The following CNOT4 variants were observed in gnomAD, a reference collection of about 807,000 sequenced individuals.
CNOT4 encodes CCR4-NOT transcription complex subunit 4.
In CNOT4, 8 loss-of-function variants were observed where a neutral mutation model predicts 73.8. That is an observed-to-expected ratio of 0.11 (90% confidence interval 0.06 to 0.20). The LOEUF (loss-of-function observed/expected upper bound fraction) is 0.20, where lower values mean the gene tolerates loss of function less well. Among genes scored for constraint, CNOT4 ranks in the 10% least tolerant of loss-of-function variants. The pLI is 1.00. For synonymous variants in CNOT4, 293 were observed against 321.1 expected, an observed-to-expected ratio of 0.91 and a Z score of 0.94; for missense variants, 564 against 883.4, an observed-to-expected ratio of 0.64 and a Z score of 4.58.
At chr7:135,388,010 T>A (rs75012056) in intron 10 of CNOT4, 1 of 984,944 alleles carries the variant, frequency 1.0e-6, no homozygotes, top group Non-Finnish European at 1.2e-6. Context: ...ACTACTATGG[T>A]TGCTTTTCAC....
intron 7 of CNOT4, among the ~76,000 whole-genome samples, chr7:135,406,108 T>A (rs1424207004): frequency 6.6e-6 from 1 of 152,084 alleles, no homozygotes; most frequent in Non-Finnish European, 1.5e-5. Flanking sequence ...AGAAATCTTA[T>A]CTACAAATTC....
chr7:135,427,007 G>A (rs1798544878), intron 2 of CNOT4, among the ~76,000 whole-genome samples: 2 of 151,490 alleles, frequency 1.3e-5, no homozygotes, highest in South Asian at 4.2e-4. Flanking sequence ...AGCATCAAAT[G>A]AAAAGTTACA....
chr7:135,477,343 C>CAAA (rs397780678), intron 1 of CNOT4, among the ~76,000 whole-genome samples: 3 of 137,680 alleles, frequency 2.2e-5, no homozygotes. Context: ...ACTCTTGTCT[C>CAAA]AAAAAAAAAA....
intron 1 of CNOT4, among the ~76,000 whole-genome samples, chr7:135,477,431 T>A (rs1345827716): frequency 6.6e-6 from 1 of 152,212 alleles, no homozygotes; most frequent in Non-Finnish European, 1.5e-5. Flanking sequence ...TTTGTTTCCA[T>A]CTTTTAAAGT....
At chr7:135,373,093 A>G (rs900398682) in intron 10 of CNOT4, among the ~76,000 whole-genome samples, 2 of 152,178 alleles carry the variant, frequency 1.3e-5, no homozygotes, top group Admixed American at 1.3e-4. Flanking sequence ...AAGAAAGCTT[A>G]GAAAAGATGG....
intron 9 of CNOT4, 37 bp from the exon 10 acceptor site, chr7:135,394,452 A>C: frequency 6.6e-7 from 1 of 1,508,556 alleles, no homozygotes; most frequent in Non-Finnish European, 9.0e-7. Flanking sequence ...TATCAGATAC[A>C]TAGCTCATTT....
intron 7 of CNOT4, among the ~76,000 whole-genome samples, chr7:135,402,573 T>C (rs1413945757): frequency 6.6e-6 from 1 of 152,164 alleles, no homozygotes; most frequent in Non-Finnish European, 1.5e-5. Context: ...TAGTCTAAAT[T>C]GAGGCATCTG....
chr7:135,470,987 A>G lies in CNOT4; in HGVS notation c.-92-32564T>C, dbSNP rs182296541. Among the ~76,000 whole-genome samples, 10 of 152,322 alleles carry G rather than the reference A, an allele frequency of 6.6e-5. No individual in the cohort carries two copies. In the East Asian group the frequency reaches 1.9e-3, roughly 29 times the overall value. ...ATTGTATATAATTGACCTCAAACTTAAAACAGATTTTTAAGCCATGAACAA... is the reference window on the plus strand; with the variant it reads ...ATTGTATATAATTGACCTCAAACTTGAAACAGATTTTTAAGCCATGAACAA... On this transcript the variant is annotated intron_variant, in intron 1 of 11. Transcript: ENST00000541284.
chr7:135,413,636 G>A (rs1797694523), intron 5 of CNOT4, 23 bp from the exon 6 acceptor site: 3 of 1,601,930 alleles, frequency 1.9e-6, no homozygotes, highest in Admixed American at 3.4e-5. Context: ...GAGGGGTAAA[G>A]GAAAAGAAGA....
chr7:135,363,976 C>T lies in CNOT4; in HGVS notation c.1718G>A (p.Gly573Glu). The T allele has an allele frequency of 6.3e-7, 1 of 1,598,274 alleles. No individual in the cohort carries two copies. The highest frequency in any genetic ancestry group is 1.3e-5 in the African/African-American group (1 of 74,914). The change falls in exon 11 of 12, where the codon GGA becomes GAA. Residue 573 changes from glycine to glutamate, a missense_variant. Around this residue, in one of 10 missense-constraint regions of CNOT4, gnomAD observed 53 missense variants for 75.4 expected, o/e 0.70. Transcript: ENST00000541284. The surrounding 1 kb of genome is among the most constrained non-coding windows in gnomAD (Gnocchi z 4.3). ...LLPNININFG[G>E]LPNSSSPSNA... ...GGAGGGGGAAGAAGAATTGGGCAGT[C>T]CACCAAAGTTGATGTTAATGTTGGG... is the stretch of plus-strand genomic sequence containing the variant.
At chr7:135,397,820 G>A (rs991972098) in intron 8 of CNOT4, among the ~76,000 whole-genome samples, 29 of 152,116 alleles carry the variant, frequency 1.9e-4, no homozygotes, top group Admixed American at 1.9e-3. Context: ...TAGAGAGCAA[G>A]GGGCAAGGGG....
rs1197741517 is a variant in CNOT4 at position 135,394,020 on chromosome 7, T to G, written c.1525A>C (p.Met509Leu). 6.2e-7 allele frequency: 1 copy of G among 1,613,926 alleles called. No individual in the cohort carries two copies. Among genetic ancestry groups the G allele is most frequent in the Non-Finnish European group, 8.5e-7 (1 of 1,179,924 alleles). Reference protein sequence around the residue: ...PWMAFPRNSIMHLNHTANPTS... With the variant: ...PWMAFPRNSILHLNHTANPTS... ...GGGTTTGCTGTGTGGTTCAAGTGCA[T>G]GATGCTATTGCGTGGAAAGGCCATC... Residue 509 changes from methionine to leucine, a missense_variant, in exon 10 of 12, where the codon ATG becomes CTG. Physicochemically the swap from Met to Leu is conservative, Grantham distance 15. This residue lies in a region of CNOT4 where 153 missense variants were observed against 158.7 expected (regional missense o/e 0.96). Coordinates refer to ENST00000541284, the MANE Select transcript of CNOT4 (RefSeq NM_001190850.2).
intron 10 of CNOT4, among the ~76,000 whole-genome samples, chr7:135,367,739 G>C (rs1391564995): frequency 6.6e-6 from 1 of 152,100 alleles, no homozygotes; most frequent in Non-Finnish European, 1.5e-5. Context: ...CTAATAATGA[G>C]TCTTCTTATC....
In CNOT4 at chr7:135,363,745, C is replaced by T. The variant is rs2840185; in HGVS notation, c.1840+109G>A. On this transcript the variant is annotated intron_variant, in intron 11 of 11. Transcript: ENST00000541284. The surrounding 1 kb of genome is among the most constrained non-coding windows in gnomAD (Gnocchi z 4.3). ...AACGAAACAAGCCACTCCACACTTG[C>T]GGCTTTGTGAAAAGCAGCTTATGTT... The T allele has an allele frequency of 0.94, 817,183 of 869,560 alleles. 385,763 individuals are homozygous for T. The highest frequency in any genetic ancestry group is 1 in the East Asian group (39,715 of 39,740). 53.9% of individuals were successfully genotyped at this position (869,560 alleles called of 1,614,324 possible).
At chr7:135,446,722 G>GACAC (rs138071477) in intron 1 of CNOT4, among the ~76,000 whole-genome samples, 1 of 149,298 alleles carries the variant, frequency 6.7e-6, no homozygotes, top group African/African-American at 2.5e-5. Context: ...TACACACACA[G>GACAC]ACACACACAC....
chr7:135,423,265 G>A (rs1798290832), intron 2 of CNOT4, among the ~76,000 whole-genome samples: 1 of 151,386 alleles, frequency 6.6e-6, no homozygotes, highest in Non-Finnish European at 1.5e-5. Flanking sequence ...TTTTAAACTG[G>A]ATAGGAAGAG....
chr7:135,465,440 T>C (rs1801156231), intron 1 of CNOT4, among the ~76,000 whole-genome samples: 1 of 152,244 alleles, frequency 6.6e-6, no homozygotes, highest in South Asian at 2.1e-4. Flanking sequence ...AGATCTCCAA[T>C]GGATGCCTGA....
chr7:135,428,023 C>T (rs1006601806), intron 2 of CNOT4, among the ~76,000 whole-genome samples: 2 of 152,040 alleles, frequency 1.3e-5, no homozygotes, highest in African/African-American at 2.4e-5. Flanking sequence ...AAATTACAAA[C>T]CAGAGGATAG....
rs561986708 is a variant in CNOT4 at position 135,423,024 on chromosome 7, C to T, written c.175-671G>A. On this transcript the variant is annotated intron_variant, in intron 2 of 11. Transcript: ENST00000541284. ...ACTTTGGTAAAGTCATATGACCTTT[C>T]TACCTCAGTCGTCTCATCTGTAAAA... is the stretch of plus-strand genomic sequence containing the variant. Among the ~76,000 whole-genome samples the T allele has an allele frequency of 2.2e-4, 33 of 152,294 alleles. No homozygotes were observed. The South Asian group carries it at 6.6e-3, about 31-fold the overall frequency.
Sources: gnomAD v4.1 joint callset for allele counts (sites outside exome capture counted in the v4.1 genomes callset) on GRCh38, gnomAD v4.1.1 for gene constraint, gnomAD v4.1.1 regional missense constraint, Gnocchi (gnomAD v3.1) non-coding constraint, MANE v1.5 for transcripts, NCBI Gene and HGNC (gene_info 2026-07-23, HGNC 2026-07-21) for gene names.